Variants in ARHGAP21 observed in about 807,000 individuals in gnomAD.
ARHGAP21 encodes Rho GTPase activating protein 21, also known as rho GTPase-activating protein 21.
A neutral mutation model predicts 164.6 loss-of-function variants in ARHGAP21; 38 were observed. The observed-to-expected ratio is 0.23, with a 90% confidence interval of 0.18 to 0.30. The LOEUF (loss-of-function observed/expected upper bound fraction) is 0.30. Ranked by LOEUF, ARHGAP21 falls within the 10% of genes least tolerant of loss-of-function variation. The probability of loss-of-function intolerance (pLI) is 1.00; values close to 1 mark genes in which losing one functional copy is unlikely to be tolerated. For synonymous variants in ARHGAP21, 766 were observed against 857.9 expected (o/e 0.89, Z 1.87); for missense variants, 1,822 against 2,370.7 (o/e 0.77, Z 4.81).
At chr10:24,656,173 A>G (rs1205776854) in intron 4 of ARHGAP21, among the ~76,000 whole-genome samples, 1 of 130,986 alleles carries the variant, frequency 7.6e-6, no homozygotes, top group Non-Finnish European at 1.6e-5. Context: ...GGGGGGGGTC[A>G]GCCCCCCGCC....
chr10:24,713,543 A>G (rs1424722442), intron 2 of ARHGAP21, among the ~76,000 whole-genome samples: 1 of 152,182 alleles, frequency 6.6e-6, no homozygotes, highest in East Asian at 1.9e-4. Context: ...CTATTCTTTT[A>G]TTCACAAATC....
intron 2 of ARHGAP21, among the ~76,000 whole-genome samples, chr10:24,680,831 C>A (rs1403822001): frequency 4.6e-5 from 7 of 152,104 alleles, no homozygotes; most frequent in Non-Finnish European, 1.0e-4. Context: ...AAGAAATATC[C>A]CTCTACACAC....
At chr10:24,682,099 G>A (rs1019240778) in intron 2 of ARHGAP21, among the ~76,000 whole-genome samples, 1 of 151,196 alleles carries the variant, frequency 6.6e-6, no homozygotes, top group Admixed American at 6.6e-5. Flanking sequence ...CATAGTACAC[G>A]CACTATTTAA....
chr10:24,664,511 A>G (rs1234605938), intron 4 of ARHGAP21, among the ~76,000 whole-genome samples: 2 of 151,544 alleles, frequency 1.3e-5, no homozygotes, highest in African/African-American at 2.4e-5. Flanking sequence ...AGCCGAGATC[A>G]TGCCACTGCA....
intron 2 of ARHGAP21, among the ~76,000 whole-genome samples, chr10:24,686,069 G>A (rs1388139651): frequency 6.6e-6 from 1 of 152,104 alleles, no homozygotes; most frequent in Non-Finnish European, 1.5e-5. Flanking sequence ...AGTAAATAAT[G>A]AAATAAGAGA....
chr10:24,675,716 T>C (rs1338299278), intron 2 of ARHGAP21, among the ~76,000 whole-genome samples: 1 of 152,200 alleles, frequency 6.6e-6, no homozygotes, highest in Non-Finnish European at 1.5e-5. Flanking sequence ...ACACACACAT[T>C]ACTCCAACAG....
At chr10:24,601,138 C>T (rs1182040906) in intron 13 of ARHGAP21, among the ~76,000 whole-genome samples, 1 of 152,098 alleles carries the variant, frequency 6.6e-6, no homozygotes, top group East Asian at 1.9e-4. Context: ...ATATCAAAGT[C>T]AAGGACTGTG....
At position 24,621,329 on chromosome 10, in the gene ARHGAP21, T is replaced by C. The variant is rs1834523244; in HGVS notation, c.566A>G (p.Tyr189Cys). Residue 189 changes from tyrosine to cysteine, a missense_variant, in exon 9 of 26, where the codon TAT (tyrosine) becomes TGT (cysteine). This residue lies in a region of ARHGAP21 where 1,090 missense variants were observed against 1,378.9 expected (regional missense o/e 0.79). Coordinates refer to ENST00000396432, the MANE Select transcript of ARHGAP21 (RefSeq NM_020824.4). ...QDAYLKGNEAYSGNARNIPEP... is the reference protein window; with the variant it reads ...QDAYLKGNEACSGNARNIPEP... ...AGGTATATTGCGGGCATTGCCGCTA[T>C]AAGCTTCGTTGCCTTTCAGGTAGGC... 1.2e-6 allele frequency: 2 copies of C among 1,608,484 alleles called. No individual in the cohort carries two copies. The highest frequency in any genetic ancestry group is 8.5e-7 in the Non-Finnish European group (1 of 1,176,978).
intron 9 of ARHGAP21, among the ~76,000 whole-genome samples, chr10:24,614,175 A>T (rs1158320286): frequency 2.6e-5 from 4 of 152,216 alleles, no homozygotes; most frequent in Non-Finnish European, 4.4e-5. Context: ...ATGACTGAGT[A>T]GGGAGGTCAA....
intron 4 of ARHGAP21, among the ~76,000 whole-genome samples, chr10:24,638,912 A>G (rs570144967): frequency 1.4e-4 from 21 of 152,368 alleles, no homozygotes; most frequent in African/African-American, 5.0e-4. Context: ...TAAAAAGCAC[A>G]TGTAAATTTA....
At chr10:24,699,932 C>T (rs945112916) in intron 2 of ARHGAP21, among the ~76,000 whole-genome samples, 3 of 152,160 alleles carry the variant, frequency 2.0e-5, no homozygotes, top group Admixed American at 6.5e-5. Context: ...AACGTTCCTG[C>T]GGCATTTTTC....
At chr10:24,715,015 G>A (rs1222027127) in intron 2 of ARHGAP21, among the ~76,000 whole-genome samples, 1 of 143,118 alleles carries the variant, frequency 7.0e-6, no homozygotes, top group Non-Finnish European at 1.5e-5. Context: ...GGGCGACAGA[G>A]TGAGAGTCCA....
intron 4 of ARHGAP21, among the ~76,000 whole-genome samples, chr10:24,659,929 C>T (rs557563089): frequency 3.9e-5 from 6 of 152,258 alleles, no homozygotes; most frequent in East Asian, 1.9e-4. Flanking sequence ...TGAAATATGG[C>T]GGTGATAATA....
intron 21 of ARHGAP21, among the ~76,000 whole-genome samples, chr10:24,594,644 T>C (rs1038941349): frequency 1.3e-5 from 2 of 152,170 alleles, no homozygotes; most frequent in Non-Finnish European, 2.9e-5. Context: ...TTGACTGTTG[T>C]AGCGTATGCA....
chr10:24,622,433 CATATATATATATATATATATATATAT>C (rs10530408), intron 8 of ARHGAP21, among the ~76,000 whole-genome samples: 1,996 of 89,754 alleles, frequency 0.022, 91 homozygotes, highest in African/African-American at 0.062. Context: ...ACTTAAAAAA[CATATATATATATATATATATATATAT>C]ATATATATAT....
chr10:24,642,827 G>A (rs1485681745), intron 4 of ARHGAP21, among the ~76,000 whole-genome samples: 4 of 152,140 alleles, frequency 2.6e-5, no homozygotes, highest in Admixed American at 6.5e-5. Context: ...GTTCATATAC[G>A]CACGAGAATA....
chr10:24,637,448 G>T (rs987920402), intron 4 of ARHGAP21, among the ~76,000 whole-genome samples: 2 of 152,108 alleles, frequency 1.3e-5, no homozygotes, highest in African/African-American at 2.4e-5. Flanking sequence ...TGCTTTCATG[G>T]AAAGATTTAT....
intron 2 of ARHGAP21, among the ~76,000 whole-genome samples, chr10:24,717,176 T>A (rs1046983925): frequency 6.6e-6 from 1 of 151,982 alleles, no homozygotes; most frequent in African/African-American, 2.4e-5. Context: ...GTTTAGCAAA[T>A]CAGGATGTCG....
chr10:24,686,855 A>G (rs772580033), intron 2 of ARHGAP21, among the ~76,000 whole-genome samples: 1 of 152,182 alleles, frequency 6.6e-6, no homozygotes, highest in South Asian at 2.1e-4. Flanking sequence ...AGTGCCTTAC[A>G]GCAGAACTTC....
Sources: allele counts gnomAD v4.1 joint callset (sites outside exome capture counted in the v4.1 genomes callset), GRCh38; gene constraint gnomAD v4.1.1; regional missense constraint gnomAD v4.1.1; transcripts MANE v1.5; gene names NCBI Gene and HGNC (gene_info 2026-07-23, HGNC 2026-07-21).